WDR7: variants seen among roughly 807,000 people sequenced by gnomAD.
WDR7 encodes the protein WD repeat-containing protein 7.
A neutral mutation model predicts 169.4 loss-of-function variants in WDR7; 46 were observed. That is an observed-to-expected ratio of 0.27 (90% CI 0.21 to 0.35). The LOEUF is 0.35. Ranked by LOEUF, WDR7 falls within the 10% of genes least tolerant of loss-of-function variation. The pLI, the probability that WDR7 is intolerant of heterozygous loss-of-function variation, is 1.00. For synonymous variants in WDR7, 612 were observed against 666.8 expected (o/e 0.92, Z 1.27); for missense variants, 1,534 against 1,859.3 (o/e 0.83, Z 3.22).
chr18:56,683,933 A>C (rs2144583344), intron 5 of WDR7, among the ~76,000 whole-genome samples: 1 of 152,334 alleles, frequency 6.6e-6, no homozygotes, highest in Non-Finnish European at 1.5e-5. Context: ...TAAGGGAGTC[A>C]AATTCTAGTA....
chr18:56,959,776 C>A (rs2047312789), intron 25 of WDR7, among the ~76,000 whole-genome samples: 1 of 152,174 alleles, frequency 6.6e-6, no homozygotes, highest in South Asian at 2.1e-4. Context: ...TTGATCCCTT[C>A]AGGGCAGGGA....
chr18:56,839,755 A>G (rs1329374127), intron 20 of WDR7, among the ~76,000 whole-genome samples: 1 of 152,160 alleles, frequency 6.6e-6, no homozygotes, highest in Non-Finnish European at 1.5e-5. Flanking sequence ...GGGTGAGCCT[A>G]TGGAAATATA....
At chr18:57,026,232 TTTTCA>T (rs1464135583) in intron 27 of WDR7, among the ~76,000 whole-genome samples, 2 of 152,246 alleles carry the variant, frequency 1.3e-5, no homozygotes, top group African/African-American at 4.8e-5. Context: ...TCCATGTTGT[TTTTCA>T]TTTATGTGGC....
chr18:56,903,650 C>A (rs2046434918), intron 21 of WDR7, among the ~76,000 whole-genome samples: 1 of 151,938 alleles, frequency 6.6e-6, no homozygotes, highest in African/African-American at 2.4e-5. Flanking sequence ...GAACTCCTGA[C>A]CTCAAGTGAT....
chr18:56,714,442 A>G (rs990065830), intron 12 of WDR7, among the ~76,000 whole-genome samples: 1 of 149,336 alleles, frequency 6.7e-6, no homozygotes, highest in Non-Finnish European at 1.5e-5. Flanking sequence ...CTTTGGACGA[A>G]ACTTTTTTTT....
chr18:56,960,662 A>AT (rs1489051501), intron 25 of WDR7, among the ~76,000 whole-genome samples: 2 of 152,046 alleles, frequency 1.3e-5, no homozygotes, highest in Non-Finnish European at 2.9e-5. Flanking sequence ...GACCACTGTA[A>AT]TTATCGAGTA....
intron 20 of WDR7, among the ~76,000 whole-genome samples, chr18:56,827,570 G>A (rs146164885): frequency 1.3e-5 from 2 of 152,162 alleles, no homozygotes; most frequent in Non-Finnish European, 2.9e-5. Flanking sequence ...GAAGGGTAGT[G>A]GGGGTTGGGG....
intron 14 of WDR7, among the ~76,000 whole-genome samples, chr18:56,754,295 GTGTGTGTATGTATATACATATATA>G (rs2043843270): frequency 6.7e-6 from 1 of 149,684 alleles, no homozygotes; most frequent in Non-Finnish European, 1.5e-5. Flanking sequence ...GTATATGTGT[GTGTGTGTATGTATATACATATATA>G]TGTGTGTATA....
chr18:56,885,870 T>G (rs1411522224), intron 21 of WDR7, among the ~76,000 whole-genome samples: 1 of 149,630 alleles, frequency 6.7e-6, no homozygotes, highest in African/African-American at 2.4e-5. Flanking sequence ...GAACACAAGG[T>G]TTTTGAATTA....
chr18:56,783,659 G>A (rs1270716723), intron 19 of WDR7, among the ~76,000 whole-genome samples: 1 of 152,142 alleles, frequency 6.6e-6, no homozygotes, highest in African/African-American at 2.4e-5. Flanking sequence ...CAGAAGGGAG[G>A]TTATGGGAAC....
At chr18:56,873,564 A>G (rs1370218) in intron 20 of WDR7, 131,748 of 152,172 alleles carry the variant, frequency 0.87, 57,204 homozygotes, top group East Asian at 0.98. Flanking sequence ...AGCAGCCCAT[A>G]TGTGCTTCTG....
intron 2 of WDR7, among the ~76,000 whole-genome samples, chr18:56,676,454 A>G (rs555133816): frequency 5.9e-5 from 9 of 151,938 alleles, no homozygotes; most frequent in South Asian, 2.1e-4. Context: ...TTGTTTTGTG[A>G]TATTTATTTC....
intron 14 of WDR7, among the ~76,000 whole-genome samples, chr18:56,736,011 A>G (rs1209914385): frequency 6.6e-6 from 1 of 152,192 alleles, no homozygotes; most frequent in African/African-American, 2.4e-5. Context: ...GCAGTTCAAA[A>G]GAGTGGTTAA....
chr18:56,843,001 A>G (rs1011665625), intron 20 of WDR7, among the ~76,000 whole-genome samples: 7 of 152,122 alleles, frequency 4.6e-5, no homozygotes, highest in African/African-American at 1.7e-4. Flanking sequence ...CTGTAAGACT[A>G]TTAATTTTAA....
At chr18:56,918,441 G>A (rs2046659678) in intron 21 of WDR7, among the ~76,000 whole-genome samples, 1 of 151,984 alleles carries the variant, frequency 6.6e-6, no homozygotes, top group Admixed American at 6.6e-5. Flanking sequence ...CTAGTCTTTT[G>A]GATATCATAG....
At chr18:56,941,226 G>A (rs1301370867) in intron 25 of WDR7, among the ~76,000 whole-genome samples, 4 of 152,026 alleles carry the variant, frequency 2.6e-5, no homozygotes, top group African/African-American at 9.7e-5. Flanking sequence ...GACTGAGGTA[G>A]GCAATAAATG....
intron 1 of WDR7, among the ~76,000 whole-genome samples, chr18:56,660,287 C>T (rs949821833): frequency 1.5e-4 from 23 of 152,102 alleles, no homozygotes; most frequent in Non-Finnish European, 2.1e-4. Context: ...GCTGGACATA[C>T]TGATTTGGAT....
Position 56,672,587 on chromosome 18 carries a change from C to G in WDR7, c.72C>G (p.Ala24=), listed in dbSNP as rs568078. 1,586,946 of 1,613,296 alleles carry G rather than the reference C, an allele frequency of 0.98. 783,470 individuals are homozygous for G. Among genetic ancestry groups the G allele is most frequent in the East Asian group, 1 (44,790 of 44,790 alleles). Residue 24 remains alanine (A), a synonymous_variant, in exon 2 of 28, where the codon GCC becomes GCG. Coordinates refer to ENST00000254442, the MANE Select transcript of WDR7 (RefSeq NM_015285.3). ...AAGCGCCCACACATTGCATCTCAGC[C>G]GTACTTTTAACAGATGATGGGGCCA... ...GRKAPTHCIS[A]VLLTDDGATI...
At chr18:56,753,121 G>A (rs1003732788) in intron 14 of WDR7, 3 of 152,178 alleles carry the variant, frequency 2.0e-5, no homozygotes, top group Non-Finnish European at 1.5e-5. Context: ...AACGTGGTCA[G>A]ATGGGAGGAA....
Sources: gnomAD v4.1 joint callset for allele counts (sites outside exome capture counted in the v4.1 genomes callset) on GRCh38, gnomAD v4.1.1 for gene constraint, MANE v1.5 for transcripts, NCBI Gene and HGNC (gene_info 2026-07-23, HGNC 2026-07-21) for gene names.